The following SPTA1 variants were observed in gnomAD, a reference collection of about 807,000 sequenced individuals.
SPTA1 encodes the protein spectrin alpha, erythrocytic 1, also known as spectrin alpha chain, erythrocytic 1.
A neutral mutation model predicts 324.7 loss-of-function variants in SPTA1; 177 were observed. The ratio of observed to expected loss-of-function variants is 0.55; its 90% CI spans 0.48 to 0.62. The LOEUF (loss-of-function observed/expected upper bound fraction) is 0.62. SPTA1 is among the 20% of genes least tolerant of loss of function. The probability of loss-of-function intolerance (pLI) is 0.00; values close to 1 mark genes in which losing one functional copy is unlikely to be tolerated. For missense variants in SPTA1, 3,162 were observed against 2,883.6 expected, an observed-to-expected ratio of 1.10 and a Z score of -2.21; for synonymous variants, 1,195 against 1,041.3, an observed-to-expected ratio of 1.15 and a Z score of -2.84.
chr1:158,613,579 G>T, intron 50 of SPTA1, 142 bp downstream of exon 50: 1 of 1,169,024 alleles, frequency 8.6e-7, no homozygotes, highest in Non-Finnish European at 1.2e-6. Flanking sequence ...GGCACCAAGA[G>T]CTGCCTAATT....
In SPTA1 at chr1:158,676,280, C is replaced by G; in HGVS notation, c.973G>C (p.Ala325Pro). 6.2e-7 allele frequency: 1 copy of G among 1,613,568 alleles called. No homozygotes were observed. Among genetic ancestry groups the G allele is most frequent in the Non-Finnish European group, 8.5e-7 (1 of 1,179,682 alleles). ...GAAAGTGTCAGCTTCTCTGCTTTAG[C>G]ACATAACTCCTTCACCTTTGGGATG... ...VMSDKVKELCAKAEKLTLSHP... is the reference protein window; with the variant it reads ...VMSDKVKELCPKAEKLTLSHP... Residue 325 changes from alanine to proline, a missense_variant, in exon 8 of 52, where the codon GCT becomes CCT. Physicochemically the swap from Ala to Pro is conservative, Grantham distance 27 (BLOSUM62 -1). Coordinates refer to ENST00000643759, the MANE Select transcript of SPTA1 (RefSeq NM_003126.4).
At chr1:158,682,835 C>A (rs1378585406) in intron 3 of SPTA1, among the ~76,000 whole-genome samples, 1 of 151,938 alleles carries the variant, frequency 6.6e-6, no homozygotes, top group Non-Finnish European at 1.5e-5. Flanking sequence ...TCTAGATGTT[C>A]AGAGAAAATT....
At chr1:158,649,311 A>C (rs1039379742) in intron 25 of SPTA1, among the ~76,000 whole-genome samples, 4 of 151,984 alleles carry the variant, frequency 2.6e-5, no homozygotes, top group African/African-American at 9.7e-5. Context: ...TAAGGGTCTC[A>C]CTCTGTTGCA....
chr1:158,686,601 T>C lies in SPTA1; in HGVS notation c.-84A>G. 1 of 1,094,390 alleles carries C rather than the reference T, an allele frequency of 9.1e-7. No individual in the cohort carries two copies. The allele number at this position is 1,094,390 out of a possible 1,614,324, so 67.8% of individuals were successfully genotyped here. A position where few individuals can be genotyped will look rare whatever the true frequency, so the allele number is the denominator to read the frequency against. On this transcript the variant is annotated 5_prime_UTR_variant, in exon 1 of 52. Transcript: ENST00000643759. ...AAATAATTCAAATGGAACTGTCCAG[T>C]CGAATTCAAATAGAAATATAGAAAC...
At chr1:158,633,226 GC>G (rs1380721918) in intron 39 of SPTA1, among the ~76,000 whole-genome samples, 1 of 152,152 alleles carries the variant, frequency 6.6e-6, no homozygotes, top group Non-Finnish European at 1.5e-5. Context: ...GATGATGCTA[GC>G]CTTCTGAATC....
In SPTA1 at chr1:158,627,681, C is replaced by T; in HGVS notation, c.5608G>A (p.Val1870Ile). The change falls in exon 40 of 52, where the codon GTC (valine) becomes ATC (isoleucine). Residue 1870 changes from valine (V) to isoleucine (I), a missense_variant. Val to Ile is a conservative substitution (Grantham distance 29). Transcript: ENST00000643759. ...ACATTTTGTACTCGGGTCTCATGGA[C>T]AGCAAAGTCATTTTCCAAAGCTTCA... ...KHEALENDFA[V>I]HETRVQNVCA... The T allele has an allele frequency of 6.2e-7, 1 of 1,613,306 alleles. No homozygotes were observed. Among genetic ancestry groups the T allele is most frequent in the Non-Finnish European group, 8.5e-7 (1 of 1,179,742 alleles).
chr1:158,617,999 A>T, intron 46 of SPTA1, 40 bp downstream of exon 46: 1 of 1,584,636 alleles, frequency 6.3e-7, no homozygotes, highest in Non-Finnish European at 8.7e-7. Flanking sequence ...TTCCATAATA[A>T]TATAATAAAG....
rs1557994716 is a variant in SPTA1 at position 158,681,410 on chromosome 1, A to G, written c.531+117T>C. ...CCCCAATTTCCTCTTGTTCCAAAGA[A>G]CAAAGCCAGGAACAGACATCCTGAC... is the stretch of plus-strand genomic sequence containing the variant. On this transcript the variant is annotated intron_variant, in intron 4 of 51. Transcript: ENST00000643759. 2.6e-6 allele frequency: 4 copies of G among 1,547,998 alleles called. No individual in the cohort carries two copies. The East Asian group carries it at 6.7e-5, about 26-fold the overall frequency.
chr1:158,665,190 T>G (rs1653503828), intron 16 of SPTA1, among the ~76,000 whole-genome samples: 1 of 152,172 alleles, frequency 6.6e-6, no homozygotes, highest in African/African-American at 2.4e-5. Context: ...CTTTTTTGTT[T>G]GCTTTTAAAG....
intron 23 of SPTA1, 133 bp from the exon 24 acceptor site, chr1:158,651,601 TC>T: frequency 1.4e-6 from 1 of 722,654 alleles, no homozygotes; most frequent in Non-Finnish European, 2.5e-6. Flanking sequence ...GCTCCTCTCC[TC>T]CAATCCACCA....
At chr1:158,627,757 C>A (rs764903131) in intron 39 of SPTA1, 34 bp from the exon 40 acceptor site, 19 of 1,592,534 alleles carry the variant, frequency 1.2e-5, no homozygotes, top group Non-Finnish European at 1.6e-5. Context: ...TTAAGATATC[C>A]AAAGCCGGAA....
At chr1:158,659,469 G>T (rs937290365) in intron 18 of SPTA1, among the ~76,000 whole-genome samples, 1 of 151,722 alleles carries the variant, frequency 6.6e-6, no homozygotes. Context: ...TGAAAGAAAA[G>T]AATGTACAAG....
intron 26 of SPTA1, 75 bp from the exon 27 acceptor site, chr1:158,647,795 C>A: frequency 6.6e-7 from 1 of 1,509,580 alleles, no homozygotes; most frequent in East Asian, 2.3e-5. Flanking sequence ...ATCCTGAGTC[C>A]CAGTATTCAG....
intron 41 of SPTA1, 138 bp from the exon 42 acceptor site, chr1:158,626,360 C>T (rs760385654): frequency 2.4e-6 from 2 of 825,108 alleles, no homozygotes; most frequent in Non-Finnish European, 4.0e-6. Context: ...AATATGTGAG[C>T]AGTGGGACCA....
At chr1:158,660,240 T>C (rs1653119763) in intron 18 of SPTA1, among the ~76,000 whole-genome samples, 1 of 152,144 alleles carries the variant, frequency 6.6e-6, no homozygotes, top group Non-Finnish European at 1.5e-5. Flanking sequence ...ATTACCAGAT[T>C]GAATAGAATA....
chr1:158,627,236 T>A (rs1017404155), intron 40 of SPTA1, among the ~76,000 whole-genome samples: 5 of 152,208 alleles, frequency 3.3e-5, no homozygotes, highest in Admixed American at 3.3e-4. Context: ...AAAAAAGGAA[T>A]GATTCTCAAA....
chr1:158,674,772 A>T, intron 8 of SPTA1, 97 bp from the exon 9 acceptor site: 3 of 1,495,904 alleles, frequency 2.0e-6, no homozygotes, highest in Non-Finnish European at 1.8e-6. Context: ...GATGTGTGAG[A>T]TGCTCCTTAC....
intron 14 of SPTA1, among the ~76,000 whole-genome samples, 177 bp from the exon 15 acceptor site, chr1:158,668,239 T>C (rs1298861991): frequency 6.6e-6 from 1 of 152,200 alleles, no homozygotes; most frequent in African/African-American, 2.4e-5. Context: ...TCCCTCTTTC[T>C]ACATGTGGCA....
rs374697328 is a variant in SPTA1 at position 158,685,238 on chromosome 1, C to T, written c.134G>A (p.Arg45Lys). The T allele has an allele frequency of 6.8e-6, 11 of 1,613,640 alleles. No individual in the cohort carries two copies. In the East Asian group the frequency reaches 8.9e-5, roughly 13 times the overall value. Reference sequence around the variant, plus strand: ...ATAGGAATCCTCAAGCTTCTGACCCCTCTCAGCGACCCGCTCCTTGAAACT... The same window carrying T: ...ATAGGAATCCTCAAGCTTCTGACCCTTCTCAGCGACCCGCTCCTTGAAACT... ...YQSFKERVAE[R>K]GQKLEDSYHL... is the part of the protein sequence containing the mutation. Residue 45 changes from arginine (R) to lysine (K), a missense_variant, in exon 2 of 52, where the codon AGG (arginine) becomes AAG (lysine). Physicochemically the swap from Arg to Lys is conservative, Grantham distance 26. Coordinates refer to ENST00000643759, the MANE Select transcript of SPTA1 (RefSeq NM_003126.4).
Sources: allele counts gnomAD v4.1 joint callset (sites outside exome capture counted in the v4.1 genomes callset), GRCh38; gene constraint gnomAD v4.1.1; transcripts MANE v1.5; gene names NCBI Gene and HGNC (gene_info 2026-07-23, HGNC 2026-07-21).